Variants in DGAT1 observed in about 807,000 individuals in gnomAD.
DGAT1 encodes ACAT related gene product 1.
Under a neutral mutation model 72.6 loss-of-function variants are expected in DGAT1, and 60 were observed. The ratio of observed to expected loss-of-function variants is 0.83; its 90% confidence interval spans 0.67 to 1.02. DGAT1 has a LOEUF of 1.02. DGAT1 is among the 50% of genes least tolerant of loss of function. The probability of loss-of-function intolerance (pLI) is 0.00; values close to 1 mark genes in which losing one functional copy is unlikely to be tolerated. For missense variants in DGAT1, 592 were observed against 670.0 expected, an observed-to-expected ratio of 0.88 and a Z score of 1.29; for synonymous variants, 290 against 267.5, an observed-to-expected ratio of 1.08 and a Z score of -0.82.
intron 2 of DGAT1, among the ~76,000 whole-genome samples, chr8:144,320,359 C>A (rs1293932327): frequency 6.6e-6 from 1 of 152,218 alleles, no homozygotes; most frequent in African/African-American, 2.4e-5. Flanking sequence ...GCTGGGCCCA[C>A]TGTCCTCCTG....
chr8:144,314,992 C>G lies in DGAT1; in HGVS notation c.*1562G>C, dbSNP rs1184223272. ...ACCCCCTTCCCAAGGTGTTCGCACT[C>G]GGACAGGTGATGCGGGGCGGGCACA... On this transcript the variant is annotated 3_prime_UTR_variant, in exon 17 of 17. Transcript: ENST00000528718. The G allele has an allele frequency of 2.9e-5, 29 of 985,710 alleles. No individual in the cohort carries two copies. Among genetic ancestry groups the G allele is most frequent in the South Asian group, 4.7e-5 (1 of 21,308 alleles). 61.1% of individuals were successfully genotyped at this position (985,710 alleles called of 1,614,324 possible). A position where few individuals can be genotyped will look rare whatever the true frequency, so the allele number is the denominator to read the frequency against.
At position 144,317,315 on chromosome 8, in the gene DGAT1, C is replaced by G; in HGVS notation, c.1094+18G>C. On this transcript the variant is annotated intron_variant, in intron 13 of 16. Transcript: ENST00000528718. ...CATGGCCCATCCCAGCCCCCAGGGA[C>G]ACCCCAGGGACACTCACCACCAGTC... 6.2e-7 allele frequency: 1 copy of G among 1,612,280 alleles called. No homozygotes were observed. The highest frequency in any genetic ancestry group is 8.5e-7 in the Non-Finnish European group (1 of 1,178,840).
In DGAT1 at chr8:144,315,215, G is replaced by T; in HGVS notation, c.*1339C>A. On this transcript the variant is annotated 3_prime_UTR_variant, in exon 17 of 17. Coordinates refer to ENST00000528718, the MANE Select transcript of DGAT1 (RefSeq NM_012079.6). Reference sequence around the variant, plus strand: ...TGGCCAACTGATAGGGAGAGGCACAGGAGCCCATGTGGGATGGAGGAGTCG... The same window carrying T: ...TGGCCAACTGATAGGGAGAGGCACATGAGCCCATGTGGGATGGAGGAGTCG... The T allele has an allele frequency of 1.0e-6, 1 of 985,570 alleles. No individual in the cohort carries two copies. The highest frequency in any genetic ancestry group is 1.2e-6 in the Non-Finnish European group (1 of 830,022). The allele number at this position is 985,570 out of a possible 1,614,324, so 61.1% of individuals were successfully genotyped here. A position where few individuals can be genotyped will look rare whatever the true frequency, so the allele number is the denominator to read the frequency against.
intron 15 of DGAT1, 53 bp downstream of exon 15, chr8:144,316,969 T>G (rs1204860299): frequency 6.2e-7 from 1 of 1,611,688 alleles, no homozygotes; most frequent in African/African-American, 1.3e-5. Context: ...CCGTCCCTGC[T>G]GTGGGCATAC....
rs1564631994 is a variant in DGAT1, at chr8:144,318,932, G to A, written c.330-12C>T. 5 of 1,605,916 alleles carry A rather than the reference G, an allele frequency of 3.1e-6. No individual in the cohort carries two copies. Among genetic ancestry groups the A allele is most frequent in the African/African-American group, 1.3e-5 (1 of 74,798 alleles). On this transcript the variant is annotated splice_polypyrimidine_tract_variant and intron_variant, in intron 3 of 16. Transcript: ENST00000528718. ...CCAGGATGCCATACCTGGGGGTGGAGGGATGGGGGTCTGAGTGGGTGGCAG... is the reference window on the plus strand; with the variant it reads ...CCAGGATGCCATACCTGGGGGTGGAAGGATGGGGGTCTGAGTGGGTGGCAG...
At chr8:144,317,467 G>A in intron 12 of DGAT1, 22 bp from the exon 13 acceptor site, 2 of 1,613,514 alleles carry the variant, frequency 1.2e-6, no homozygotes, top group Non-Finnish European at 1.7e-6. Flanking sequence ...GTGGGGGTGG[G>A]CACCAAGTTC....
chr8:144,317,991 TG>T lies in DGAT1; in HGVS notation c.777del (p.Thr260ProfsTer36). On this transcript the variant is annotated frameshift_variant, in exon 9 of 17. Transcript: ENST00000528718. LOFTEE classifies it high-confidence loss of function. ...GGAAAGTTGAGCTCGTAGCACAAGG[TG>T]GGGGCGAAGAGGAAGTAGTAGAGAT... is the stretch of plus-strand genomic sequence containing the variant. ...YRDLYYFLFA[P>X]TLCYELNFPR... is the part of the protein sequence containing the mutation. 2 of 1,518,610 alleles carry T rather than the reference TG, an allele frequency of 1.3e-6. No individual in the cohort carries two copies. Among genetic ancestry groups the T allele is most frequent in the Non-Finnish European group, 1.8e-6 (2 of 1,135,654 alleles). The allele number at this position is 1,518,610 out of a possible 1,614,324, so 94.1% of individuals were successfully genotyped here.
Position 144,317,572 on chromosome 8 carries a change from C to G in DGAT1, c.953G>C (p.Arg318Pro). ...MKPFKDMDYS[R>P]IIERLLKLAV... is the part of the protein sequence containing the mutation. Reference sequence around the variant, plus strand: ...CAGCTTCAGGAGGCGCTCGATGATGCGTGAGTAGTCCATGTCCTGCAGAAA... The same window carrying G: ...CAGCTTCAGGAGGCGCTCGATGATGGGTGAGTAGTCCATGTCCTGCAGAAA... The change falls in exon 12 of 17, where the codon CGC (arginine) becomes CCC (proline). Residue 318 changes from arginine to proline, a missense_variant. Coordinates refer to ENST00000528718, the MANE Select transcript of DGAT1 (RefSeq NM_012079.6). 1.2e-6 allele frequency: 2 copies of G among 1,613,896 alleles called. No homozygotes were observed. Among genetic ancestry groups the G allele is most frequent in the Non-Finnish European group, 1.7e-6 (2 of 1,180,032 alleles).
rs1554847731 is a variant in DGAT1 at position 144,318,741 on chromosome 8, G to C, written c.426C>G (p.Val142=). 1 of 1,607,412 alleles carries C rather than the reference G, an allele frequency of 6.2e-7. No homozygotes were observed. Among genetic ancestry groups the C allele is most frequent in the African/African-American group, 1.3e-5 (1 of 74,880 alleles). The change falls in exon 5 of 17, where the codon GTC becomes GTG. Residue 142 remains valine (V), a synonymous_variant. Transcript: ENST00000528718. Reference sequence around the variant, plus strand: ...CAACCTGGAATGCAGCCACAGCAAAGACATTGGCCGCTGTGGACAGAAGCA... The same window carrying C: ...CAACCTGGAATGCAGCCACAGCAAACACATTGGCCGCTGTGGACAGAAGCA... The part of the protein sequence containing the change: ...PAPCLVIAAN[V]FAVAAFQVEK...
intron 1 of DGAT1, 79 bp downstream of exon 1, chr8:144,326,358 T>A (rs1351606717): frequency 7.8e-7 from 1 of 1,275,642 alleles, no homozygotes; most frequent in African/African-American, 1.6e-5. Flanking sequence ...GTTCTCGGAC[T>A]CGGAGCTCGC....
In DGAT1 at chr8:144,314,833, G is replaced by T. The variant is rs145195023; in HGVS notation, c.*1721C>A. On this transcript the variant is annotated 3_prime_UTR_variant, in exon 17 of 17. Transcript: ENST00000528718. ...CTGCAGTGGCCTCCTGGGGGAAGAC[G>T]GATGCTTGCAGCTAGCTCCGTGCCT... The T allele has an allele frequency of 2.0e-5, 18 of 907,130 alleles. No individual in the cohort carries two copies. The highest frequency in any genetic ancestry group is 5.7e-4 in the Middle Eastern group (1 of 1,744). The allele number at this position is 907,130 out of a possible 1,614,324, so 56.2% of individuals were successfully genotyped here. A position where few individuals can be genotyped will look rare whatever the true frequency, so the allele number is the denominator to read the frequency against.
At chr8:144,320,272 A>G (rs1287472775) in intron 2 of DGAT1, among the ~76,000 whole-genome samples, 2 of 152,168 alleles carry the variant, frequency 1.3e-5, no homozygotes, top group African/African-American at 2.4e-5. Flanking sequence ...GTTGGGGAGA[A>G]TACACAGTGC....
At position 144,315,763 on chromosome 8, in the gene DGAT1, G is replaced by A. The variant is rs929042614; in HGVS notation, c.*791C>T. 61 of 929,204 alleles carry A rather than the reference G, an allele frequency of 6.6e-5. No homozygotes were observed. The African/African-American group carries it at 9.8e-4, about 15-fold the overall frequency. The allele number at this position is 929,204 out of a possible 1,614,324, so 57.6% of individuals were successfully genotyped here. On this transcript the variant is annotated 3_prime_UTR_variant, in exon 17 of 17. Coordinates refer to ENST00000528718, the MANE Select transcript of DGAT1 (RefSeq NM_012079.6). ...CCCCAACCTCGTGGAGGGCAGCTGA[G>A]AGCCACCAGCCCACCTGGCTGCCCA...
At position 144,315,582 on chromosome 8, in the gene DGAT1, C is replaced by T; in HGVS notation, c.*972G>A. The T allele has an allele frequency of 1.0e-6, 1 of 985,662 alleles. No individual in the cohort carries two copies. The highest frequency in any genetic ancestry group is 1.2e-6 in the Non-Finnish European group (1 of 830,086). 61.1% of individuals were successfully genotyped at this position (985,662 alleles called of 1,614,324 possible). A position where few individuals can be genotyped will look rare whatever the true frequency, so the allele number is the denominator to read the frequency against. On this transcript the variant is annotated 3_prime_UTR_variant, in exon 17 of 17. Coordinates refer to ENST00000528718, the MANE Select transcript of DGAT1 (RefSeq NM_012079.6). ...GCAGGGCCCTGGGGTTACCCCTGAC[C>T]TCCCGCTACCATCAAGGGGGGCCCC...
chr8:144,326,174 G>C (rs1554848741), intron 1 of DGAT1, among the ~76,000 whole-genome samples: 1 of 152,040 alleles, frequency 6.6e-6, no homozygotes. Flanking sequence ...GAGCCCCTGA[G>C]GATGCACAGA....
intron 1 of DGAT1, among the ~76,000 whole-genome samples, chr8:144,325,185 G>A (rs1013019642): frequency 2.4e-4 from 36 of 152,156 alleles, no homozygotes; most frequent in African/African-American, 8.2e-4. Context: ...TTTCAGGTAG[G>A]AGGTGCCTAG....
In DGAT1 at chr8:144,318,102, G is replaced by A. The variant is rs781895334; in HGVS notation, c.744C>T (p.Thr248=). 1.3e-6 allele frequency: 2 copies of A among 1,534,034 alleles called. No individual in the cohort carries two copies. The highest frequency in any genetic ancestry group is 2.3e-5 in the East Asian group (1 of 44,224). The change falls in exon 8 of 17, where the codon ACC becomes ACT. Residue 248 remains threonine, a synonymous_variant. Coordinates refer to ENST00000528718, the MANE Select transcript of DGAT1 (RefSeq NM_012079.6). ...GCCCACAGAGGTCCTCACCGCGGTA[G>A]GTCAGATTGTCCGGGTAGCTCACGG... The part of the protein sequence containing the change: ...PHTVSYPDNL[T]YRDLYYFLFA...
chr8:144,316,061 T>C lies in DGAT1; in HGVS notation c.*493A>G, dbSNP rs560987506. On this transcript the variant is annotated 3_prime_UTR_variant, in exon 17 of 17. Coordinates refer to ENST00000528718, the MANE Select transcript of DGAT1 (RefSeq NM_012079.6). ...CCGATTCCCGCACACCCAGCAGGAGTAGCACCAGGAGAGGACGCCTGAGCT... is the reference window on the plus strand; with the variant it reads ...CCGATTCCCGCACACCCAGCAGGAGCAGCACCAGGAGAGGACGCCTGAGCT... The C allele has an allele frequency of 8.5e-4, 352 of 415,240 alleles. No individual in the cohort carries two copies. Among genetic ancestry groups the C allele is most frequent in the Non-Finnish European group, 1.0e-3 (318 of 306,406 alleles). The allele number at this position is 415,240 out of a possible 1,614,324, so 25.7% of individuals were successfully genotyped here.
Position 144,315,966 on chromosome 8 carries a change from C to T in DGAT1, c.*588G>A, listed in dbSNP as rs528492929. The T allele has an allele frequency of 8.3e-5, 82 of 986,246 alleles. No individual in the cohort carries two copies. Among genetic ancestry groups the T allele is most frequent in the Non-Finnish European group, 9.4e-5 (78 of 830,558 alleles). 61.1% of individuals were successfully genotyped at this position (986,246 alleles called of 1,614,324 possible). A position where few individuals can be genotyped will look rare whatever the true frequency, so the allele number is the denominator to read the frequency against. ...AGCCCACTTCCCGCAAACCCAGGGC[C>T]GACCTCTTCCCAAGCTGAAGCTGAG... On this transcript the variant is annotated 3_prime_UTR_variant, in exon 17 of 17. Coordinates refer to ENST00000528718, the MANE Select transcript of DGAT1 (RefSeq NM_012079.6).
Sources: gnomAD v4.1 joint callset for allele counts (sites outside exome capture counted in the v4.1 genomes callset) on GRCh38, gnomAD v4.1.1 for gene constraint, MANE v1.5 for transcripts, NCBI Gene and HGNC (gene_info 2026-07-23, HGNC 2026-07-21) for gene names.